Variants in ALDH4A1 observed in about 807,000 individuals in gnomAD.
The protein encoded by ALDH4A1 is aldehyde dehydrogenase 4 family member A1, also known as delta-1-pyrroline-5-carboxylate dehydrogenase, mitochondrial.
ALDH4A1 carries 46 observed loss-of-function variants against 70.5 expected under a neutral mutation model. The ratio of observed to expected loss-of-function variants is 0.65; its 90% CI spans 0.51 to 0.83. The LOEUF is 0.83. Ranked by LOEUF, ALDH4A1 falls within the 40% of genes least tolerant of loss-of-function variation. The pLI is 0.00. For missense variants in ALDH4A1, 749 were observed against 766.5 expected (o/e 0.98, Z 0.27); for synonymous variants, 323 against 324.3 (o/e 1.00, Z 0.04).
chr1:18,900,814 G>A (rs1345162862), intron 1 of ALDH4A1: 2 of 967,258 alleles, frequency 2.1e-6, no homozygotes, highest in Non-Finnish European at 2.5e-6. Flanking sequence ...TGTAATTTCA[G>A]TCATATATCT....
At chr1:18,873,715 A>G (rs1332897916) in intron 14 of ALDH4A1, among the ~76,000 whole-genome samples, 1 of 152,178 alleles carries the variant, frequency 6.6e-6, no homozygotes, top group Non-Finnish European at 1.5e-5. Context: ...TCTTTGCCCT[A>G]TGTGTCTGCG....
rs536186688 is a variant in ALDH4A1 at position 18,872,381 on chromosome 1, C to T, written c.*464G>A. 2.6e-4 allele frequency: 41 copies of T among 157,634 alleles called. No individual in the cohort carries two copies. The South Asian group carries it at 4.0e-3, about 16-fold the overall frequency. 9.8% of individuals were successfully genotyped at this position (157,634 alleles called of 1,614,324 possible). ...CCAGAGAGGGCAAGGCCAGCTGGTG[C>T]CCCCTGTGCCCCACAGGTCAGTCTG... On this transcript the variant is annotated 3_prime_UTR_variant, in exon 15 of 15. Coordinates refer to ENST00000375341, the MANE Select transcript of ALDH4A1 (RefSeq NM_003748.4).
At chr1:18,901,426 C>T (rs1335931979) in intron 1 of ALDH4A1, among the ~76,000 whole-genome samples, 1 of 152,134 alleles carries the variant, frequency 6.6e-6, no homozygotes, top group African/African-American at 2.4e-5. Context: ...GTCAAGCAAA[C>T]AAACCTCAAA....
At chr1:18,892,196 C>A (rs535609123) in intron 1 of ALDH4A1, among the ~76,000 whole-genome samples, 1 of 152,140 alleles carries the variant, frequency 6.6e-6, no homozygotes, top group African/African-American at 2.4e-5. Flanking sequence ...GGCTCAAAGA[C>A]CCAGCCTGGG....
chr1:18,885,431 A>AACCCCCCCC, intron 5 of ALDH4A1, 42 bp downstream of exon 5: 1 of 478,978 alleles, frequency 2.1e-6, no homozygotes, highest in Non-Finnish European at 3.5e-6. Flanking sequence ...CCTGACTCCC[A>AACCCCCCCC]CCCCACCCCG....
chr1:18,874,323 T>G, intron 14 of ALDH4A1, 140 bp downstream of exon 14: 3 of 781,938 alleles, frequency 3.8e-6, no homozygotes, highest in Non-Finnish European at 4.3e-6. Context: ...GAAAGGACCC[T>G]GAGCTAGTGC....
In ALDH4A1 at chr1:18,872,728, G is replaced by A. The variant is rs1219651837; in HGVS notation, c.*117C>T. The A allele has an allele frequency of 1.3e-5, 10 of 778,386 alleles. No individual in the cohort carries two copies. The highest frequency in any genetic ancestry group is 1.7e-5 in the African/African-American group (1 of 58,524). The allele number at this position is 778,386 out of a possible 1,614,324, so 48.2% of individuals were successfully genotyped here. A position where few individuals can be genotyped will look rare whatever the true frequency, so the allele number is the denominator to read the frequency against. On this transcript the variant is annotated 3_prime_UTR_variant, in exon 15 of 15. Transcript: ENST00000375341. The stretch of plus-strand genomic sequence containing the variant: ...CAGTGGTAAGAAGGGAGTCAAGCCC[G>A]GATTATAGAAAGGCAGCTGTGCATG...
intron 1 of ALDH4A1, among the ~76,000 whole-genome samples, chr1:18,892,048 G>C (rs944732065): frequency 6.6e-6 from 1 of 151,824 alleles, no homozygotes; most frequent in Admixed American, 6.6e-5. Flanking sequence ...AAAAAAATCA[G>C]GAAGAGGGCT....
At chr1:18,879,853 G>A (rs544812280) in intron 8 of ALDH4A1, among the ~76,000 whole-genome samples, 4 of 152,284 alleles carry the variant, frequency 2.6e-5, no homozygotes, top group African/African-American at 7.2e-5. Context: ...GAGAGTCCTG[G>A]GAGAGGGAGC....
Position 18,877,626 on chromosome 1 carries a change from G to A in ALDH4A1, c.941-14C>T, listed in dbSNP as rs920216260. 3 of 710,740 alleles carry A rather than the reference G, an allele frequency of 4.2e-6. No homozygotes were observed. Among genetic ancestry groups the A allele is most frequent in the East Asian group, 3.6e-5 (1 of 27,782 alleles). 44.0% of individuals were successfully genotyped at this position (710,740 alleles called of 1,614,324 possible). A position where few individuals can be genotyped will look rare whatever the true frequency, so the allele number is the denominator to read the frequency against. On this transcript the variant is annotated splice_polypyrimidine_tract_variant and intron_variant, in intron 9 of 14. Coordinates refer to ENST00000375341, the MANE Select transcript of ALDH4A1 (RefSeq NM_003748.4). ...TTCCGCCGCACTCTACAGGGGTCGGGGGTGGGGAAATGACCAGAGGAGCTG... is the reference window on the plus strand; with the variant it reads ...TTCCGCCGCACTCTACAGGGGTCGGAGGTGGGGAAATGACCAGAGGAGCTG...
At chr1:18,889,268 G>A in intron 3 of ALDH4A1, 94 bp downstream of exon 3, 4 of 1,204,246 alleles carry the variant, frequency 3.3e-6, no homozygotes, top group Non-Finnish European at 3.6e-6. Context: ...AGGCCTTGAA[G>A]TCAGAGCCCA....
chr1:18,889,314 T>A (rs984428881), intron 3 of ALDH4A1, 48 bp downstream of exon 3: 3 of 1,491,244 alleles, frequency 2.0e-6, no homozygotes, highest in Middle Eastern at 1.7e-4. Flanking sequence ...GAGAAAGAGG[T>A]CACATATTCA....
At chr1:18,901,447 G>C (rs184849967) in intron 1 of ALDH4A1, among the ~76,000 whole-genome samples, 2 of 152,146 alleles carry the variant, frequency 1.3e-5, no homozygotes, top group East Asian at 1.9e-4. Flanking sequence ...TGGGAGGGGG[G>C]GCTGATCCAC....
In ALDH4A1 at chr1:18,879,877, G is replaced by A. The variant is rs144338359; in HGVS notation, c.867-504C>T. 9.4e-3 allele frequency among the ~76,000 whole-genome samples: 1,431 copies of A among 152,262 alleles called. 19 individuals carry two copies. The highest frequency in any genetic ancestry group is 0.026 in the South Asian group (124 of 4,830). ...GGGAGAGGGAGCTCAGGCCCCGCCC[G>A]AAGCCACCACCCTGGAGGGCCTCGC... On this transcript the variant is annotated intron_variant, in intron 8 of 14. Coordinates refer to ENST00000375341, the MANE Select transcript of ALDH4A1 (RefSeq NM_003748.4).
chr1:18,895,176 T>C (rs2100606694), intron 1 of ALDH4A1, among the ~76,000 whole-genome samples: 1 of 152,274 alleles, frequency 6.6e-6, no homozygotes, highest in East Asian at 1.9e-4. Context: ...CAGATATGGA[T>C]CCAACCCAAC....
chr1:18,889,497 G>A (rs762829100), intron 2 of ALDH4A1, 43 bp from the exon 3 acceptor site: 33 of 1,504,496 alleles, frequency 2.2e-5, no homozygotes, highest in South Asian at 1.4e-4. Flanking sequence ...CGCCTTCCTC[G>A]CTTCCTCCCA....
At chr1:18,876,184 G>T in intron 12 of ALDH4A1, 131 bp downstream of exon 12, 1 of 1,239,482 alleles carries the variant, frequency 8.1e-7, no homozygotes, top group Non-Finnish European at 1.1e-6. Context: ...CCGGTCGGAG[G>T]CATTCCCTTT....
At position 18,887,053 on chromosome 1, in the gene ALDH4A1, C is replaced by T. The variant is rs1360153058; in HGVS notation, c.250-542G>A. ...CACCGGTGTTGTGACATGCTTGGGA[C>T]TTCCGCCCTGCCCCGAAGCCATCAT... On this transcript the variant is annotated intron_variant, in intron 3 of 14. Transcript: ENST00000375341. Among the ~76,000 whole-genome samples, 79 of 152,238 alleles carry T rather than the reference C, an allele frequency of 5.2e-4. 1 individual carries two copies. Among genetic ancestry groups the T allele is most frequent in the Non-Finnish European group, 2.5e-4 (17 of 68,038 alleles).
At chr1:18,891,249 G>A (rs1215848837) in intron 1 of ALDH4A1, among the ~76,000 whole-genome samples, 4 of 152,216 alleles carry the variant, frequency 2.6e-5, no homozygotes, top group Admixed American at 1.3e-4. Context: ...GTCAACTAAT[G>A]CCCAAAGGGC....
Sources: allele counts gnomAD v4.1 joint callset (sites outside exome capture counted in the v4.1 genomes callset), GRCh38; gene constraint gnomAD v4.1.1; transcripts MANE v1.5; gene names NCBI Gene and HGNC (gene_info 2026-07-23, HGNC 2026-07-21).